The following FYTTD1 variants were observed in gnomAD, a reference collection of about 807,000 sequenced individuals.
FYTTD1 encodes forty-two-three domain containing 1, also known as UAP56-interacting factor.
Under a neutral mutation model 40.9 loss-of-function variants are expected in FYTTD1, and 22 were observed. That is an observed-to-expected ratio of 0.54 (90% CI 0.38 to 0.77). The LOEUF is 0.77. FYTTD1 is among the 30% of genes least tolerant of loss of function. FYTTD1 has a pLI of 0.00. For missense variants in FYTTD1, 351 were observed against 392.2 expected (o/e 0.90, Z 0.89); for synonymous variants, 140 against 137.9 (o/e 1.01, Z -0.10).
At chr3:197,766,258 A>G (rs944257101) in intron 2 of FYTTD1, among the ~76,000 whole-genome samples, 10 of 152,200 alleles carry the variant, frequency 6.6e-5, no homozygotes, top group Non-Finnish European at 1.5e-4. Context: ...GATGTGTTTA[A>G]AAATATATCT....
At chr3:197,779,568 TC>T (rs1729966966) in intron 8 of FYTTD1, among the ~76,000 whole-genome samples, 1 of 143,744 alleles carries the variant, frequency 7.0e-6, no homozygotes, top group Non-Finnish European at 1.5e-5. Flanking sequence ...TCTCACTCTG[TC>T]ACCAGGACTG....
chr3:197,761,754 ACTCTCT>A (rs1463785167), intron 2 of FYTTD1, among the ~76,000 whole-genome samples: 4 of 152,212 alleles, frequency 2.6e-5, no homozygotes, highest in African/African-American at 4.8e-5. Flanking sequence ...TTTGACTCTT[ACTCTCT>A]CAGGAATGTA....
Position 197,770,274 on chromosome 3 carries a change from T to G in FYTTD1, c.497+30T>G, listed in dbSNP as rs575160600. ...GTGCTCAAAAATAATAATGTGTTAT[T>G]TTGCATTAAAAACACTTCCTGCATT... On this transcript the variant is annotated intron_variant, in intron 4 of 8. Transcript: ENST00000241502. The G allele has an allele frequency of 2.3e-5, 32 of 1,381,114 alleles. No individual in the cohort carries two copies. The South Asian group carries it at 4.0e-4, about 17-fold the overall frequency. 85.6% of individuals were successfully genotyped at this position (1,381,114 alleles called of 1,614,324 possible).
chr3:197,749,922 C>G lies in FYTTD1; in HGVS notation c.-50C>G, dbSNP rs1728942380. The G allele has an allele frequency of 3.1e-6, 4 of 1,279,870 alleles. No individual in the cohort carries two copies. The highest frequency in any genetic ancestry group is 4.3e-6 in the Non-Finnish European group (4 of 935,754). The allele number at this position is 1,279,870 out of a possible 1,614,324, so 79.3% of individuals were successfully genotyped here. ...CGTGCGCGAGTGGGAGGTGGCAGGC[C>G]TGCGACTCCGGCCTTGTCCGCGCCC... On this transcript the variant is annotated 5_prime_UTR_variant, in exon 1 of 9. Coordinates refer to ENST00000241502, the MANE Select transcript of FYTTD1 (RefSeq NM_032288.7).
intron 1 of FYTTD1, chr3:197,750,654 G>C (rs1728994028): frequency 1.0e-6 from 1 of 985,350 alleles, no homozygotes; most frequent in Non-Finnish European, 1.2e-6. Flanking sequence ...CGGCCCCGGA[G>C]CGTCTGTCAG....
Position 197,766,117 on chromosome 3 carries a change from C to T in FYTTD1, c.236-2322C>T, listed in dbSNP as rs1292733267. On this transcript the variant is annotated intron_variant, in intron 2 of 8. Transcript: ENST00000241502. ...GGTGGAGGTTGCAGTGAGCTGAGAT[C>T]ATGCCATTGCACTCCAGCCTGGGCA... 3.3e-5 allele frequency among the ~76,000 whole-genome samples: 5 copies of T among 149,420 alleles called. No individual in the cohort carries two copies. In the Admixed American group the frequency reaches 3.3e-4, roughly 10 times the overall value.
rs1226965311 is a variant in FYTTD1, at chr3:197,783,124, C to T, written c.*1215C>T. On this transcript the variant is annotated 3_prime_UTR_variant, in exon 9 of 9. Coordinates refer to ENST00000241502, the MANE Select transcript of FYTTD1 (RefSeq NM_032288.7). ...CCCACCGACCCGCCACCTGCCACCT[C>T]TGACGGAGTGGGAGAAGTTAGTCTG... The T allele has an allele frequency of 6.6e-6, 1 of 152,606 alleles. No homozygotes were observed. Among genetic ancestry groups the T allele is most frequent in the East Asian group, 1.9e-4 (1 of 5,206 alleles). 9.5% of individuals were successfully genotyped at this position (152,606 alleles called of 1,614,324 possible).
chr3:197,779,055 T>C, intron 8 of FYTTD1, among the ~76,000 whole-genome samples: 1 of 152,090 alleles, frequency 6.6e-6, no homozygotes, highest in Admixed American at 6.6e-5. Context: ...TCACCAACAC[T>C]CACTATTATC....
upstream of FYTTD1, chr3:197,749,555 A>C (rs761827244): frequency 3.9e-6 from 5 of 1,291,636 alleles, no homozygotes; most frequent in South Asian, 6.2e-5. Context: ...GTGGGCGCGA[A>C]AGGCTCGTGT....
intron 8 of FYTTD1, among the ~76,000 whole-genome samples, chr3:197,780,473 T>C (rs1729999368): frequency 1.3e-5 from 2 of 152,224 alleles, no homozygotes; most frequent in Non-Finnish European, 2.9e-5. Context: ...TGTATACTTG[T>C]ATGCATGCCT....
chr3:197,781,297 G>A (rs1315650174), intron 8 of FYTTD1, among the ~76,000 whole-genome samples: 1 of 150,246 alleles, frequency 6.7e-6, no homozygotes, highest in Non-Finnish European at 1.5e-5. Context: ...CTGGATGACA[G>A]CCAGACTGTC....
chr3:197,760,167 T>C (rs1379185901), intron 2 of FYTTD1, among the ~76,000 whole-genome samples: 2 of 137,348 alleles, frequency 1.5e-5, no homozygotes, highest in Admixed American at 7.3e-5. Flanking sequence ...TAGAACGTAT[T>C]GAGTTGTTCC....
At chr3:197,780,940 A>G (rs185813077) in intron 8 of FYTTD1, among the ~76,000 whole-genome samples, 91 of 152,184 alleles carry the variant, frequency 6.0e-4, no homozygotes, top group Middle Eastern at 6.8e-3. Flanking sequence ...TTTATCAAGA[A>G]TGGGTATTCA....
intron 4 of FYTTD1, among the ~76,000 whole-genome samples, chr3:197,772,598 G>A (rs147070733): frequency 6.3e-4 from 96 of 152,236 alleles, no homozygotes; most frequent in African/African-American, 2.3e-3. Flanking sequence ...AGAAATAGAA[G>A]AGTATAAGTT....
chr3:197,751,521 C>T (rs1362671796), intron 1 of FYTTD1, among the ~76,000 whole-genome samples: 2 of 152,080 alleles, frequency 1.3e-5, no homozygotes, highest in African/African-American at 2.4e-5. Context: ...TGGCCGCGCG[C>T]CTGTAATCCC....
chr3:197,778,841 C>T lies in FYTTD1; in HGVS notation c.858+377C>T, dbSNP rs112441907. ...CTCGGATATTAGGAATAATACTGCT[C>T]TGAGCATTTGTGCAGAAGTTTTTGT... On this transcript the variant is annotated intron_variant, in intron 8 of 8. Coordinates refer to ENST00000241502, the MANE Select transcript of FYTTD1 (RefSeq NM_032288.7). 4.6e-3 allele frequency among the ~76,000 whole-genome samples: 707 copies of T among 152,252 alleles called. 6 individuals carry two copies. The highest frequency in any genetic ancestry group is 0.016 in the African/African-American group (679 of 41,542).
In FYTTD1 at chr3:197,762,356, C is replaced by T. The variant is rs535990294; in HGVS notation, c.235+5799C>T. 4.1e-5 allele frequency among the ~76,000 whole-genome samples: 6 copies of T among 147,600 alleles called. No homozygotes were observed. In the South Asian group the frequency reaches 8.3e-4, roughly 20 times the overall value. On this transcript the variant is annotated intron_variant, in intron 2 of 8. Coordinates refer to ENST00000241502, the MANE Select transcript of FYTTD1 (RefSeq NM_032288.7). ...CTGTAATCCCAGCACTTTGGGAGGCCGAGACAGGCAGATCACAAGGTCAGG... is the reference window on the plus strand; with the variant it reads ...CTGTAATCCCAGCACTTTGGGAGGCTGAGACAGGCAGATCACAAGGTCAGG...
At position 197,785,843 on chromosome 3, in the gene FYTTD1, T is replaced by C. The variant is rs1043409918; in HGVS notation, c.*3934T>C. ...CAGTTTTCATCAGAATTATTATTATTATTATTATTTTGCCACTGTGAAAAA... is the reference window on the plus strand; with the variant it reads ...CAGTTTTCATCAGAATTATTATTATCATTATTATTTTGCCACTGTGAAAAA... On this transcript the variant is annotated 3_prime_UTR_variant, in exon 9 of 9. Transcript: ENST00000241502. The C allele has an allele frequency of 7.9e-5, 12 of 151,908 alleles. No homozygotes were observed. The highest frequency in any genetic ancestry group is 1.8e-4 in the Non-Finnish European group (12 of 67,982). 9.4% of individuals were successfully genotyped at this position (151,908 alleles called of 1,614,324 possible).
At position 197,781,874 on chromosome 3, in the gene FYTTD1, A is replaced by C. The variant is rs772982195; in HGVS notation, c.922A>C (p.Asn308His). ...GGAACAAAGAGCCACTCTCACATACAACAAAGGGGGAAGCCGCTTTGTCAC... is the reference window on the plus strand; with the variant it reads ...GGAACAAAGAGCCACTCTCACATACCACAAAGGGGGAAGCCGCTTTGTCAC... ...LKEQRATLTY[N>H]KGGSRFVTVG The change falls in exon 9 of 9, where the codon AAC (asparagine) becomes CAC (histidine). Residue 308 changes from asparagine to histidine, a missense_variant. Asn to His is a moderately conservative substitution (Grantham distance 68). Coordinates refer to ENST00000241502, the MANE Select transcript of FYTTD1 (RefSeq NM_032288.7). 5 of 1,609,052 alleles carry C rather than the reference A, an allele frequency of 3.1e-6. No homozygotes were observed. The highest frequency in any genetic ancestry group is 4.2e-6 in the Non-Finnish European group (5 of 1,176,788).
Sources: allele counts gnomAD v4.1 joint callset (sites outside exome capture counted in the v4.1 genomes callset), GRCh38; gene constraint gnomAD v4.1.1; transcripts MANE v1.5; gene names NCBI Gene and HGNC (gene_info 2026-07-23, HGNC 2026-07-21).